KIAA1217: variants seen among roughly 807,000 people sequenced by gnomAD.
The protein encoded by KIAA1217 is sickle tail protein homolog.
A neutral mutation model predicts 163.9 loss-of-function variants in KIAA1217; 88 were observed. The observed-to-expected ratio is 0.54, with a 90% CI of 0.45 to 0.64. The LOEUF is 0.64. KIAA1217 is among the 30% of genes least tolerant of loss of function. The probability of loss-of-function intolerance (pLI) is 0.00; values close to 1 mark genes in which losing one functional copy is unlikely to be tolerated. For synonymous variants in KIAA1217, 903 were observed against 923.1 expected (o/e 0.98, Z 0.39); for missense variants, 2,372 against 2,475.0 (o/e 0.96, Z 0.88).
At chr10:24,166,464 G>A (rs1057091743) in intron 2 of KIAA1217, among the ~76,000 whole-genome samples, 2 of 152,132 alleles carry the variant, frequency 1.3e-5, no homozygotes, top group Admixed American at 6.5e-5. Flanking sequence ...GGGGCCAGTC[G>A]TGGTGGCTTA....
chr10:24,076,778 A>C (rs764169787), intron 2 of KIAA1217, among the ~76,000 whole-genome samples: 24 of 152,168 alleles, frequency 1.6e-4, no homozygotes, highest in Non-Finnish European at 2.9e-4. Context: ...ACAGGTACAG[A>C]TGCATACATT....
chr10:24,172,993 G>A (rs1045973081), intron 2 of KIAA1217, among the ~76,000 whole-genome samples: 4 of 152,166 alleles, frequency 2.6e-5, no homozygotes, highest in Admixed American at 6.5e-5. Context: ...CAACCCCCAG[G>A]CCATGGACTG....
chr10:23,780,743 C>T (rs1443229339), intron 1 of KIAA1217, among the ~76,000 whole-genome samples: 2 of 152,096 alleles, frequency 1.3e-5, no homozygotes, highest in African/African-American at 4.8e-5. Flanking sequence ...TGCAGTGGTG[C>T]CATCTCAGCT....
intron 2 of KIAA1217, among the ~76,000 whole-genome samples, chr10:24,267,111 A>G (rs2076312055): frequency 6.6e-6 from 1 of 152,168 alleles, no homozygotes; most frequent in Admixed American, 6.5e-5. Context: ...GGAGGTGAGG[A>G]GTTTGGAGTA....
intron 1 of KIAA1217, among the ~76,000 whole-genome samples, chr10:23,939,672 A>G (rs1843673487): frequency 6.6e-6 from 1 of 151,868 alleles, no homozygotes; most frequent in African/African-American, 2.4e-5. Context: ...ATAATTAGAA[A>G]TTTCAGCAGT....
At chr10:24,438,518 G>T (rs2060240513) in intron 5 of KIAA1217, 39 bp downstream of exon 5, 2 of 1,349,562 alleles carry the variant, frequency 1.5e-6, no homozygotes, top group Non-Finnish European at 2.1e-6. Context: ...TCTTCAGTGG[G>T]TCAAAGCGTC....
At chr10:23,892,761 A>C (rs1041489464) in intron 1 of KIAA1217, among the ~76,000 whole-genome samples, 1 of 151,978 alleles carries the variant, frequency 6.6e-6, no homozygotes, top group African/African-American at 2.4e-5. Context: ...TATAAACAAA[A>C]GGAAAGATAC....
intron 13 of KIAA1217, among the ~76,000 whole-genome samples, chr10:24,527,483 A>G (rs961520040): frequency 7.0e-6 from 1 of 143,724 alleles, no homozygotes; most frequent in Non-Finnish European, 1.5e-5. Context: ...GCAACGTAAC[A>G]GAACCCATTG....
chr10:24,156,830 C>G (rs1370622434), intron 2 of KIAA1217, among the ~76,000 whole-genome samples: 1 of 152,152 alleles, frequency 6.6e-6, no homozygotes, highest in African/African-American at 2.4e-5. Context: ...TCATGTTTTC[C>G]CCTGGCTCTT....
chr10:23,934,571 A>T lies in KIAA1217; in HGVS notation c.-320-72654A>T, dbSNP rs1274017652. 3.9e-5 allele frequency among the ~76,000 whole-genome samples: 3 copies of T among 76,686 alleles called. No individual in the cohort carries two copies. The African/African-American group carries it at 4.2e-4, about 11-fold the overall frequency. 50.3% of individuals were successfully genotyped at this position (76,686 alleles called of 152,430 possible). A position where few individuals can be genotyped will look rare whatever the true frequency, so the allele number is the denominator to read the frequency against. On this transcript the variant is annotated intron_variant, in intron 1 of 18. Transcript: ENST00000376462. ...TGGTCTTTAAAGTATATATATATAT[A>T]TATATATATATATATATATGTATAT...
chr10:24,117,876 A>G (rs1349926447), intron 2 of KIAA1217, among the ~76,000 whole-genome samples: 1 of 152,132 alleles, frequency 6.6e-6, no homozygotes, highest in Non-Finnish European at 1.5e-5. Context: ...GTGGTAGGAG[A>G]AAGAAAATGC....
At chr10:23,870,843 G>A (rs1236492509) in intron 1 of KIAA1217, among the ~76,000 whole-genome samples, 3 of 152,056 alleles carry the variant, frequency 2.0e-5, no homozygotes, top group Non-Finnish European at 4.4e-5. Flanking sequence ...GTTTATGCCA[G>A]CTGCTTTTAC....
chr10:23,894,799 A>G (rs1841600757), intron 1 of KIAA1217, among the ~76,000 whole-genome samples: 1 of 151,170 alleles, frequency 6.6e-6, no homozygotes, highest in South Asian at 2.1e-4. Flanking sequence ...AGAGATATAG[A>G]TCAATGGAAC....
Position 24,062,185 on chromosome 10 carries a change from G to C in KIAA1217, c.-171+54811G>C, listed in dbSNP as rs868300495. On this transcript the variant is annotated intron_variant, in intron 2 of 18. Transcript: ENST00000376462. ...TAAGCTTTAGGGTACATGTGCACAA[G>C]GTGCAGGTTTGTTACATATGTATAC... Among the ~76,000 whole-genome samples, 98 of 151,234 alleles carry C rather than the reference G, an allele frequency of 6.5e-4. 1 individual carries two copies. The highest frequency in any genetic ancestry group is 2.3e-3 in the African/African-American group (95 of 41,208).
At chr10:24,131,055 G>A (rs915619278) in intron 2 of KIAA1217, among the ~76,000 whole-genome samples, 2 of 152,180 alleles carry the variant, frequency 1.3e-5, no homozygotes, top group Admixed American at 1.3e-4. Flanking sequence ...TTTAGTTAAA[G>A]AATTATTACA....
intron 2 of KIAA1217, among the ~76,000 whole-genome samples, chr10:24,286,478 A>G (rs1045395582): frequency 2.6e-5 from 4 of 152,040 alleles, no homozygotes; most frequent in African/African-American, 9.7e-5. Flanking sequence ...ACACATACAC[A>G]TACACACACA....
At chr10:24,384,374 C>T (rs2053729038) in intron 3 of KIAA1217, among the ~76,000 whole-genome samples, 1 of 152,114 alleles carries the variant, frequency 6.6e-6, no homozygotes, top group African/African-American at 2.4e-5. Flanking sequence ...ACACCCTTGG[C>T]CTCCACGCAT....
At chr10:24,328,613 A>G (rs2045258322) in intron 2 of KIAA1217, among the ~76,000 whole-genome samples, 1 of 152,140 alleles carries the variant, frequency 6.6e-6, no homozygotes, top group African/African-American at 2.4e-5. Flanking sequence ...CTAGGAATAA[A>G]TGATCAATTG....
chr10:24,462,586 C>A (rs2062524495), intron 5 of KIAA1217, among the ~76,000 whole-genome samples: 1 of 152,196 alleles, frequency 6.6e-6, no homozygotes, highest in Admixed American at 6.5e-5. Context: ...TAACTCCCTG[C>A]ACTTCTGTTT....
Sources: allele counts gnomAD v4.1 joint callset (sites outside exome capture counted in the v4.1 genomes callset), GRCh38; gene constraint gnomAD v4.1.1; transcripts MANE v1.5; gene names NCBI Gene and HGNC (gene_info 2026-07-23, HGNC 2026-07-21).